Variants in MBOAT2 observed in about 807,000 individuals in gnomAD.
MBOAT2 encodes membrane-bound glycerophospholipid O-acyltransferase 2.
In MBOAT2, 28 loss-of-function variants were observed where a neutral mutation model predicts 63.4. The observed-to-expected ratio is 0.44, with a 90% CI of 0.33 to 0.61. The LOEUF is 0.61. Among genes scored for constraint, MBOAT2 ranks in the 20% least tolerant of loss-of-function variants. The pLI, the probability that MBOAT2 is intolerant of heterozygous loss-of-function variation, is 0.03. For missense variants in MBOAT2, 470 were observed against 605.8 expected (o/e 0.78, Z 2.35); for synonymous variants, 211 against 215.6 (o/e 0.98, Z 0.19).
intron 4 of MBOAT2, among the ~76,000 whole-genome samples, chr2:8,898,144 C>G (rs1664626923): frequency 6.6e-6 from 1 of 152,220 alleles, no homozygotes; most frequent in Non-Finnish European, 1.5e-5. Context: ...GCTATCCTTG[C>G]TCCTCTGTGA....
chr2:8,895,755 G>A lies in MBOAT2; in HGVS notation c.396-7682C>T, dbSNP rs981960994. 3.9e-5 allele frequency among the ~76,000 whole-genome samples: 6 copies of A among 152,274 alleles called. No homozygotes were observed. The East Asian group carries it at 1.2e-3, about 29-fold the overall frequency. ...AGCTGTAGTGTCCTCCAGAAAAGTT[G>A]TTAGTTGAGCTCATTTGGGGTTCCG... On this transcript the variant is annotated intron_variant, in intron 4 of 12. Transcript: ENST00000305997.
chr2:8,878,423 T>C (rs1462679861), intron 6 of MBOAT2, among the ~76,000 whole-genome samples: 2 of 152,342 alleles, frequency 1.3e-5, no homozygotes, highest in East Asian at 3.9e-4. Context: ...CTTGAACATG[T>C]TACAGTCCAT....
Position 8,858,765 on chromosome 2 carries a change from A to C in MBOAT2, c.1477T>G (p.Leu493Val), listed in dbSNP as rs148555544. The change falls in exon 13 of 13, where the codon TTG (leucine) becomes GTG (valine). Residue 493 changes from leucine to valine, a missense_variant. Coordinates refer to ENST00000305997, the MANE Select transcript of MBOAT2 (RefSeq NM_138799.4). ...GTTGTAGAAAAACTGTTCTGTCCCA[A>C]AGAATTTTCTCCTTCATCAAACTTT... is the stretch of plus-strand genomic sequence containing the variant. ...SKKFDEGENS[L>V]GQNSFSTTNN... 2.5e-6 allele frequency: 4 copies of C among 1,614,124 alleles called. No individual in the cohort carries two copies. Among genetic ancestry groups the C allele is most frequent in the Non-Finnish European group, 3.4e-6 (4 of 1,180,012 alleles).
chr2:8,899,923 T>C (rs1432406093), intron 4 of MBOAT2, among the ~76,000 whole-genome samples: 4 of 152,208 alleles, frequency 2.6e-5, no homozygotes, highest in Admixed American at 1.3e-4. Flanking sequence ...GGCCCAGGGC[T>C]TGCTTTTGGA....
At chr2:8,921,468 C>T (rs1226154478) in intron 3 of MBOAT2, among the ~76,000 whole-genome samples, 1 of 152,120 alleles carries the variant, frequency 6.6e-6, no homozygotes, top group African/African-American at 2.4e-5. Context: ...CTCTTAGGTC[C>T]TTTAAAAATT....
intron 1 of MBOAT2, among the ~76,000 whole-genome samples, chr2:8,988,582 T>C (rs1671718636): frequency 6.6e-6 from 1 of 152,202 alleles, no homozygotes; most frequent in Admixed American, 6.5e-5. Flanking sequence ...TTGAGCCAAA[T>C]TTTTTAAGAA....
chr2:8,995,589 C>CTT (rs1402516555), intron 1 of MBOAT2, among the ~76,000 whole-genome samples: 6 of 145,532 alleles, frequency 4.1e-5, no homozygotes, highest in African/African-American at 8.1e-5. Context: ...AAATACATTC[C>CTT]ATTTTTTTTT....
Position 8,858,626 on chromosome 2 carries a change from G to T in MBOAT2, c.*53C>A. On this transcript the variant is annotated 3_prime_UTR_variant, in exon 13 of 13. Coordinates refer to ENST00000305997, the MANE Select transcript of MBOAT2 (RefSeq NM_138799.4). ...CTCAAACCCCTTGAAAAGGTGCTAA[G>T]ATTGGTTTCTGTTAACATCAAAAAA... The T allele has an allele frequency of 3.0e-6, 4 of 1,354,936 alleles. No individual in the cohort carries two copies. The highest frequency in any genetic ancestry group is 4.1e-6 in the Non-Finnish European group (4 of 978,944). The allele number at this position is 1,354,936 out of a possible 1,614,324, so 83.9% of individuals were successfully genotyped here.
chr2:8,905,346 A>G (rs921924731), intron 4 of MBOAT2, among the ~76,000 whole-genome samples: 12 of 152,106 alleles, frequency 7.9e-5, no homozygotes, highest in African/African-American at 2.9e-4. Flanking sequence ...CCATTAAAAA[A>G]CAAAACAAAA....
At chr2:8,896,547 G>T (rs116054257) in intron 4 of MBOAT2, among the ~76,000 whole-genome samples, 1 of 152,194 alleles carries the variant, frequency 6.6e-6, no homozygotes, top group South Asian at 2.1e-4. Context: ...ATGTTACACT[G>T]TTAACTTTTA....
intron 1 of MBOAT2, among the ~76,000 whole-genome samples, chr2:8,984,273 G>A (rs1451953344): frequency 6.6e-6 from 1 of 152,166 alleles, no homozygotes; most frequent in Non-Finnish European, 1.5e-5. Flanking sequence ...TAATGAATAT[G>A]CAGCTTCAGT....
chr2:8,919,057 C>T (rs1666388555), intron 3 of MBOAT2, among the ~76,000 whole-genome samples: 1 of 152,178 alleles, frequency 6.6e-6, no homozygotes. Flanking sequence ...CTTGAGGTTC[C>T]TCCATGTTGC....
At chr2:8,971,916 C>G (rs1008207616) in intron 1 of MBOAT2, among the ~76,000 whole-genome samples, 2 of 152,116 alleles carry the variant, frequency 1.3e-5, no homozygotes, top group African/African-American at 4.8e-5. Context: ...TAGGAAGAAT[C>G]AATATTGTGA....
chr2:8,973,446 C>T (rs917262333), intron 1 of MBOAT2, among the ~76,000 whole-genome samples: 5 of 151,202 alleles, frequency 3.3e-5, no homozygotes, highest in Middle Eastern at 3.4e-3. Flanking sequence ...TGCAGCACAC[C>T]GACATGGCAC....
intron 5 of MBOAT2, among the ~76,000 whole-genome samples, chr2:8,885,951 G>A (rs1442754908): frequency 6.6e-6 from 1 of 152,150 alleles, no homozygotes; most frequent in African/African-American, 2.4e-5. Flanking sequence ...CTGCTTATGA[G>A]GTGTGCCCAC....
intron 2 of MBOAT2, among the ~76,000 whole-genome samples, chr2:8,946,417 T>G (rs1668415351): frequency 6.6e-6 from 1 of 152,198 alleles, no homozygotes; most frequent in African/African-American, 2.4e-5. Context: ...CAGATGATTG[T>G]TTTAAAAGAA....
At position 8,958,610 on chromosome 2, in the gene MBOAT2, C is replaced by T; in HGVS notation, c.108G>A (p.Leu36=). Residue 36 remains leucine (L), a synonymous_variant, in exon 2 of 13, where the codon TTG becomes TTA. Coordinates refer to ENST00000305997, the MANE Select transcript of MBOAT2 (RefSeq NM_138799.4). The stretch of plus-strand genomic sequence containing the variant: ...AAGTTCGAAACCAAATGGCTGCTAG[C>T]AAGGCAAAGAGTTGGCACACTACAA... ...VNFVVCQLFA[L]LAAIWFRTYL... 6.2e-7 allele frequency: 1 copy of T among 1,607,884 alleles called. No individual in the cohort carries two copies. Among genetic ancestry groups the T allele is most frequent in the Non-Finnish European group, 8.5e-7 (1 of 1,178,126 alleles).
intron 3 of MBOAT2, among the ~76,000 whole-genome samples, chr2:8,926,003 GGTAA>G (rs1666905464): frequency 6.6e-6 from 1 of 152,178 alleles, no homozygotes; most frequent in African/African-American, 2.4e-5. Context: ...GTGTAGAGAG[GGTAA>G]GTAACTTGGA....
intron 10 of MBOAT2, among the ~76,000 whole-genome samples, chr2:8,863,799 C>G (rs578067233): frequency 3.2e-4 from 48 of 152,316 alleles, no homozygotes; most frequent in African/African-American, 1.1e-3. Flanking sequence ...CAGGACTGTT[C>G]TGGAGTACCC....
Sources: gnomAD v4.1 joint callset for allele counts (sites outside exome capture counted in the v4.1 genomes callset) on GRCh38, gnomAD v4.1.1 for gene constraint, MANE v1.5 for transcripts, NCBI Gene and HGNC (gene_info 2026-07-23, HGNC 2026-07-21) for gene names.